The following METTL15 variants were observed in gnomAD, a reference collection of about 807,000 sequenced individuals.
METTL15 encodes the protein methyltransferase 15, mitochondrial 12S rRNA N4-cytidine.
A neutral mutation model predicts 38.3 loss-of-function variants in METTL15; 34 were observed. The ratio of observed to expected loss-of-function variants is 0.89; its 90% CI spans 0.68 to 1.18. The LOEUF (loss-of-function observed/expected upper bound fraction) is 1.18, where lower values mean the gene tolerates loss of function less well. METTL15 is among the 50% of genes most tolerant of loss of function. The pLI, the probability that METTL15 is intolerant of heterozygous loss-of-function variation, is 0.00. For missense variants in METTL15, 438 were observed against 498.4 expected, an observed-to-expected ratio of 0.88 and a Z score of 1.15; for synonymous variants, 162 against 170.9, an observed-to-expected ratio of 0.95 and a Z score of 0.41.
At chr11:28,481,874 C>T (rs548591403) in intron 6 of METTL15, among the ~76,000 whole-genome samples, 1 of 152,188 alleles carries the variant, frequency 6.6e-6, no homozygotes, top group African/African-American at 2.4e-5. Context: ...CAAGTTTCCT[C>T]CTGATTTTTG....
At chr11:28,118,567 GA>G (rs1227509674) in intron 3 of METTL15, among the ~76,000 whole-genome samples, 4 of 151,676 alleles carry the variant, frequency 2.6e-5, no homozygotes, top group East Asian at 1.9e-4. Flanking sequence ...GAAAACTGGA[GA>G]AAAAAAAGTT....
intron 3 of METTL15, among the ~76,000 whole-genome samples, chr11:28,132,499 TTCTC>T (rs112289812): frequency 2.0e-5 from 3 of 151,950 alleles, no homozygotes; most frequent in African/African-American, 7.2e-5. Context: ...AAATAATTTC[TTCTC>T]TCTCTCTGTT....
chr11:28,192,112 A>AT (rs1851721070), intron 3 of METTL15, among the ~76,000 whole-genome samples: 1 of 151,738 alleles, frequency 6.6e-6, no homozygotes. Flanking sequence ...TGAGGTTTTC[A>AT]TTCTGAGATC....
chr11:28,371,263 G>T (rs948954655), intron 5 of METTL15, among the ~76,000 whole-genome samples: 2 of 151,958 alleles, frequency 1.3e-5, no homozygotes, highest in Non-Finnish European at 2.9e-5. Context: ...AGTTTTCATA[G>T]CATCATTTGT....
chr11:28,187,252 A>G (rs751192215), intron 3 of METTL15, among the ~76,000 whole-genome samples: 1 of 151,280 alleles, frequency 6.6e-6, no homozygotes, highest in Non-Finnish European at 1.5e-5. Context: ...CTCTGACCAA[A>G]TAAATAAATC....
intron 3 of METTL15, among the ~76,000 whole-genome samples, chr11:28,204,598 G>A (rs534973376): frequency 3.3e-5 from 5 of 151,840 alleles, no homozygotes; most frequent in African/African-American, 9.6e-5. Context: ...ACACAGAGAG[G>A]TATGTGAAAG....
intron 6 of METTL15, among the ~76,000 whole-genome samples, chr11:28,329,545 T>G (rs540420902): frequency 2.3e-4 from 35 of 152,278 alleles, no homozygotes; most frequent in Admixed American, 9.8e-4. Context: ...TTGGGTAGTA[T>G]TCCCATCTTC....
chr11:28,182,772 G>GT (rs1565148640), intron 3 of METTL15, among the ~76,000 whole-genome samples: 2 of 152,144 alleles, frequency 1.3e-5, no homozygotes, highest in Non-Finnish European at 2.9e-5. Flanking sequence ...GTTTAAACTA[G>GT]TTTTTTCCAA....
intron 5 of METTL15, among the ~76,000 whole-genome samples, chr11:28,400,262 C>T (rs1463291008): frequency 4.6e-5 from 7 of 151,706 alleles, no homozygotes; most frequent in African/African-American, 1.7e-4. Context: ...CAGTCATATA[C>T]CATACAAAGC....
chr11:28,446,915 T>C (rs569131445), intron 6 of METTL15, among the ~76,000 whole-genome samples: 3 of 152,210 alleles, frequency 2.0e-5, no homozygotes, highest in African/African-American at 7.2e-5. Context: ...AATACAAGAA[T>C]ACATACACAC....
chr11:28,280,128 A>T (rs1855998531), intron 4 of METTL15, among the ~76,000 whole-genome samples: 1 of 152,062 alleles, frequency 6.6e-6, no homozygotes, highest in Non-Finnish European at 1.5e-5. Flanking sequence ...CCATATACTT[A>T]CACTTTCCAT....
At chr11:28,182,993 C>T (rs1851349762) in intron 3 of METTL15, among the ~76,000 whole-genome samples, 1 of 151,932 alleles carries the variant, frequency 6.6e-6, no homozygotes, top group Non-Finnish European at 1.5e-5. Flanking sequence ...AGTTGTATTC[C>T]TAGGTATTTT....
chr11:28,112,392 A>G lies in METTL15; in HGVS notation c.-17-926A>G, dbSNP rs549077615. Among the ~76,000 whole-genome samples, 94 of 152,330 alleles carry G rather than the reference A, an allele frequency of 6.2e-4. 1 individual carries two copies. Among genetic ancestry groups the G allele is most frequent in the Non-Finnish European group, 8.8e-4 (60 of 68,028 alleles). On this transcript the variant is annotated intron_variant, in intron 2 of 6. Transcript: ENST00000407364. ...TATTCTTAAATAACTAATAACCTGT[A>G]AGGAAAGAATAGTGTTAACTGGGTA...
At chr11:28,330,368 T>G (rs1849774690) in intron 6 of METTL15, 28 bp from the exon 7 acceptor site, 1 of 1,496,692 alleles carries the variant, frequency 6.7e-7, no homozygotes. Context: ...CCGGTCTTCT[T>G]TTCCTATCTT....
chr11:28,226,787 C>A (rs1326978952), intron 4 of METTL15, among the ~76,000 whole-genome samples: 1 of 151,838 alleles, frequency 6.6e-6, no homozygotes, highest in Admixed American at 6.6e-5. Context: ...TCTTAAACAG[C>A]CCTATCTACC....
chr11:28,216,792 A>G (rs1373377505), intron 4 of METTL15, among the ~76,000 whole-genome samples: 1 of 140,618 alleles, frequency 7.1e-6, no homozygotes, highest in Non-Finnish European at 1.5e-5. Context: ...ACTCCAACCT[A>G]TGAGTGAGAA....
At chr11:28,326,733 G>A (rs376459801) in intron 6 of METTL15, among the ~76,000 whole-genome samples, 75 of 151,888 alleles carry the variant, frequency 4.9e-4, no homozygotes, top group African/African-American at 1.7e-3. Context: ...ATGCACCACC[G>A]TGCCTGGCTA....
intron 3 of METTL15, among the ~76,000 whole-genome samples, chr11:28,157,880 A>G (rs780581128): frequency 1.3e-5 from 2 of 152,180 alleles, no homozygotes; most frequent in Admixed American, 6.5e-5. Context: ...TGGTTCACAG[A>G]TAGTTCTGCA....
chr11:28,271,054 C>G (rs1375319931), intron 4 of METTL15, among the ~76,000 whole-genome samples: 1 of 152,072 alleles, frequency 6.6e-6, no homozygotes, highest in Non-Finnish European at 1.5e-5. Context: ...GCTATTATAT[C>G]AAAAATCACT....
Sources: allele counts gnomAD v4.1 joint callset (sites outside exome capture counted in the v4.1 genomes callset), GRCh38; gene constraint gnomAD v4.1.1; transcripts MANE v1.5; gene names NCBI Gene and HGNC (gene_info 2026-07-23, HGNC 2026-07-21).